The following GRAMD2B variants were observed in gnomAD, a reference collection of about 807,000 sequenced individuals.
GRAMD2B encodes the protein GRAM domain containing 2B.
In GRAMD2B, 41 loss-of-function variants were observed where a neutral mutation model predicts 59.2. That is an observed-to-expected ratio of 0.69 (90% confidence interval 0.54 to 0.90). GRAMD2B has a LOEUF of 0.90. Ranked by LOEUF, GRAMD2B falls within the 40% of genes least tolerant of loss-of-function variation. GRAMD2B has a pLI of 0.00. For synonymous variants in GRAMD2B, 161 were observed against 182.7 expected (o/e 0.88, Z 0.96); for missense variants, 424 against 500.5 (o/e 0.85, Z 1.46).
In GRAMD2B at chr5:126,371,472, C is replaced by T. The variant is rs1449828527; in HGVS notation, c.30C>T (p.Asp10=). 4 of 1,289,102 alleles carry T rather than the reference C, an allele frequency of 3.1e-6. No individual in the cohort carries two copies. In the African/African-American group the frequency reaches 6.1e-5, roughly 20 times the overall value. The allele number at this position is 1,289,102 out of a possible 1,614,324, so 79.9% of individuals were successfully genotyped here. ...TGAAGAAAAGGCTGCCTTCTAGTGACACGGTGTTCCGGTTTGAGACTCCGG... is the reference window on the plus strand; with the variant it reads ...TGAAGAAAAGGCTGCCTTCTAGTGATACGGTGTTCCGGTTTGAGACTCCGG... Residue 10 remains aspartate, a synonymous_variant, in exon 1 of 9, where the codon GAC becomes GAT. Coordinates refer to the GRAMD2B transcript ENST00000506445.
intron 8 of GRAMD2B, among the ~76,000 whole-genome samples, chr5:126,481,226 AGAAAGAAAGAAAGAAAGAAAG>A (rs1771752256): frequency 2.5e-5 from 1 of 40,140 alleles, no homozygotes. Flanking sequence ...AAAGAAAGAA[AGAAAGAAAGAAAGAAAGAAAG>A]AAAAGAAAAA....
chr5:126,444,737 T>C (rs184908382), intron 1 of GRAMD2B, among the ~76,000 whole-genome samples: 3 of 152,334 alleles, frequency 2.0e-5, no homozygotes, highest in Admixed American at 2.0e-4. Flanking sequence ...GTGCAGGATG[T>C]GCAGGTTTGT....
chr5:126,451,561 C>A (rs1044971220), intron 1 of GRAMD2B, among the ~76,000 whole-genome samples: 2 of 152,058 alleles, frequency 1.3e-5, no homozygotes, highest in African/African-American at 4.8e-5. Flanking sequence ...ATTTTACAGG[C>A]TCATTAGTGG....
At chr5:126,430,704 AAAAG>A in intron 1 of GRAMD2B, among the ~76,000 whole-genome samples, 1 of 152,220 alleles carries the variant, frequency 6.6e-6, no homozygotes, top group Non-Finnish European at 1.5e-5. Context: ...AAAGAAAAAG[AAAAG>A]AAAGGGCTTT....
intron 1 of GRAMD2B, among the ~76,000 whole-genome samples, chr5:126,363,474 A>C (rs1197055137): frequency 6.6e-6 from 1 of 152,222 alleles, no homozygotes; most frequent in African/African-American, 2.4e-5. Context: ...GGAATTGAAA[A>C]CATGTGTTTG....
chr5:126,403,953 G>C (rs1580811555), intron 1 of GRAMD2B, among the ~76,000 whole-genome samples: 1 of 151,938 alleles, frequency 6.6e-6, no homozygotes, highest in East Asian at 1.9e-4. Context: ...TCTTAATACA[G>C]ATGAAATTTG....
At chr5:126,398,212 G>A (rs901310774) in intron 1 of GRAMD2B, among the ~76,000 whole-genome samples, 2 of 151,448 alleles carry the variant, frequency 1.3e-5, no homozygotes, top group African/African-American at 4.9e-5. Flanking sequence ...TGTAGAGAAA[G>A]GTCTCTCTAT....
chr5:126,439,540 G>C (rs544094173), intron 1 of GRAMD2B, among the ~76,000 whole-genome samples: 1 of 151,946 alleles, frequency 6.6e-6, no homozygotes, highest in Non-Finnish European at 1.5e-5. Context: ...TCACCAGGCT[G>C]ATCTTGAACT....
intron 1 of GRAMD2B, among the ~76,000 whole-genome samples, chr5:126,443,916 G>A (rs1763725726): frequency 6.6e-6 from 1 of 152,140 alleles, no homozygotes; most frequent in Admixed American, 6.5e-5. Flanking sequence ...GCTGGACGTG[G>A]TGGTGGGCGC....
chr5:126,412,590 C>CA (rs1758907363), intron 1 of GRAMD2B, among the ~76,000 whole-genome samples: 1 of 151,918 alleles, frequency 6.6e-6, no homozygotes, highest in East Asian at 1.9e-4. Context: ...TGTGTCTTTA[C>CA]CAGGTTTTGG....
chr5:126,368,008 C>T (rs929614171), upstream of GRAMD2B, among the ~76,000 whole-genome samples: 17 of 152,344 alleles, frequency 1.1e-4, no homozygotes, highest in African/African-American at 4.1e-4. Flanking sequence ...GCGTCGGCCT[C>T]CCAAAGTGCT....
At chr5:126,430,656 C>T (rs4835900) in intron 1 of GRAMD2B, among the ~76,000 whole-genome samples, 75,140 of 151,754 alleles carry the variant, frequency 0.5, 18,825 homozygotes, top group Admixed American at 0.54. Context: ...TTTTACTAAG[C>T]CTTTTACTCT....
rs1773420603 is a variant in GRAMD2B, at chr5:126,488,807, C to T, written c.1172C>T (p.Ala391Val). The T allele has an allele frequency of 6.2e-7, 1 of 1,611,990 alleles. No individual in the cohort carries two copies. The highest frequency in any genetic ancestry group is 8.5e-7 in the Non-Finnish European group (1 of 1,178,258). The change falls in exon 13 of 14, where the codon GCA (alanine) becomes GTA (valine). Residue 391 changes from alanine to valine, a missense_variant. Physicochemically the swap from Ala to Val is moderately conservative, Grantham distance 64 (BLOSUM62 0). Coordinates refer to ENST00000285689, the MANE Select transcript of GRAMD2B (RefSeq NM_023927.4). ...IVDTHNTEQA[A>V]PSGLRSQVQF... ...TCTCTTTTTTCTTACAGACAGGCAG[C>T]ACCATCTGGCCTGAGGTCACAAGTA...
chr5:126,377,745 CTGGGGCATGGGGCAGAGTCAGAGA>C (rs1755327953), intron 1 of GRAMD2B, among the ~76,000 whole-genome samples: 1 of 152,192 alleles, frequency 6.6e-6, no homozygotes, highest in African/African-American at 2.4e-5. Context: ...ATGCCCTGCT[CTGGGGCATGGGGCAGAGTCAGAGA>C]TGGGATCATG....
At chr5:126,419,329 A>G (rs570422891), upstream of GRAMD2B, among the ~76,000 whole-genome samples, 2 of 152,158 alleles carry the variant, frequency 1.3e-5, no homozygotes, top group South Asian at 4.2e-4. Flanking sequence ...AGAGAGAGAG[A>G]GAGAGCGAGA....
chr5:126,433,431 A>T (rs1196602534), intron 1 of GRAMD2B: 1 of 152,222 alleles, frequency 6.6e-6, no homozygotes, highest in Admixed American at 6.5e-5. Context: ...CTCCCATTAA[A>T]GTCTGTGCAT....
intron 1 of GRAMD2B, among the ~76,000 whole-genome samples, chr5:126,464,428 C>T (rs1267515117): frequency 6.6e-6 from 1 of 152,154 alleles, no homozygotes; most frequent in Non-Finnish European, 1.5e-5. Flanking sequence ...CCTTCAACAT[C>T]CCTTCCTTTC....
intron 1 of GRAMD2B, among the ~76,000 whole-genome samples, chr5:126,395,520 A>G (rs1238022716): frequency 6.6e-6 from 1 of 152,222 alleles, no homozygotes; most frequent in Non-Finnish European, 1.5e-5. Context: ...CAGGCAACAC[A>G]AAATTCACAA....
Position 126,401,500 on chromosome 5 carries a change from T to C in GRAMD2B, c.125+29933T>C, listed in dbSNP as rs187229169. Among the ~76,000 whole-genome samples the C allele has an allele frequency of 3.7e-4, 57 of 152,206 alleles. No homozygotes were observed. In the East Asian group the frequency reaches 5.2e-3, roughly 14 times the overall value. On this transcript the variant is annotated intron_variant, in intron 1 of 8. Coordinates refer to the GRAMD2B transcript ENST00000506445. ...TGTGTTCCTTTGGTGGAATCATGTT[T>C]CCTTGATTTTTTTTCATGTTTTTTG...
Sources: gnomAD v4.1 joint callset for allele counts (sites outside exome capture counted in the v4.1 genomes callset) on GRCh38, gnomAD v4.1.1 for gene constraint, MANE v1.5 for transcripts, NCBI Gene and HGNC (gene_info 2026-07-23, HGNC 2026-07-21) for gene names.